Variants in ROBO1 observed in about 807,000 individuals in gnomAD.
ROBO1 encodes roundabout guidance receptor 1.
In ROBO1, 149 loss-of-function variants were observed where a neutral mutation model predicts 195.9. The ratio of observed to expected loss-of-function variants is 0.76; its 90% CI spans 0.67 to 0.87. ROBO1 has a LOEUF of 0.87. Among genes scored for constraint, ROBO1 ranks in the 40% least tolerant of loss-of-function variants. The pLI is 0.00. For missense variants in ROBO1, 1,933 were observed against 2,068.3 expected, an observed-to-expected ratio of 0.93 and a Z score of 1.27; for synonymous variants, 816 against 733.2, an observed-to-expected ratio of 1.11 and a Z score of -1.82.
intron 3 of ROBO1, among the ~76,000 whole-genome samples, chr3:78,995,824 C>T (rs1187664370): frequency 6.6e-6 from 1 of 151,412 alleles, no homozygotes; most frequent in Non-Finnish European, 1.5e-5. Flanking sequence ...CCTTACTAGG[C>T]CCTTCAAGCC....
chr3:78,729,085 G>A (rs903336472), intron 5 of ROBO1, among the ~76,000 whole-genome samples: 5 of 152,162 alleles, frequency 3.3e-5, no homozygotes, highest in African/African-American at 4.8e-5. Flanking sequence ...GAGAGTCCCC[G>A]CCTAGGACTC....
chr3:79,049,313 A>T (rs145126736), intron 3 of ROBO1, among the ~76,000 whole-genome samples: 1,826 of 152,314 alleles, frequency 0.012, 48 homozygotes, highest in African/African-American at 0.042. Context: ...TGAAGATCAA[A>T]TTAATGAAAT....
intron 3 of ROBO1, among the ~76,000 whole-genome samples, chr3:79,026,056 G>T (rs1342386358): frequency 6.6e-6 from 1 of 152,070 alleles, no homozygotes; most frequent in African/African-American, 2.4e-5. Flanking sequence ...TACATGTTAT[G>T]TTTTACATAT....
intron 4 of ROBO1, among the ~76,000 whole-genome samples, chr3:78,837,702 C>G (rs964151220): frequency 6.6e-6 from 1 of 151,764 alleles, no homozygotes; most frequent in Non-Finnish European, 1.5e-5. Flanking sequence ...AAAATGTTTC[C>G]TTTCCTATAT....
chr3:78,946,987 T>C (rs771570205), intron 3 of ROBO1, among the ~76,000 whole-genome samples: 5 of 152,170 alleles, frequency 3.3e-5, no homozygotes, highest in Non-Finnish European at 7.3e-5. Flanking sequence ...CTTAAATATA[T>C]ATGCACCCAA....
At chr3:79,401,016 A>G (rs2106783316) in intron 2 of ROBO1, among the ~76,000 whole-genome samples, 1 of 151,966 alleles carries the variant, frequency 6.6e-6, no homozygotes, top group East Asian at 1.9e-4. Flanking sequence ...AGTCAAGGCA[A>G]TATAAATATA....
chr3:79,133,901 C>T (rs1284634111), intron 2 of ROBO1, among the ~76,000 whole-genome samples: 138 of 151,680 alleles, frequency 9.1e-4, no homozygotes, highest in Admixed American at 1.8e-3. Flanking sequence ...TTCCTTCTAA[C>T]AGACAGGACC....
At chr3:79,671,779 CAGAT>C (rs555586778) in intron 1 of ROBO1, among the ~76,000 whole-genome samples, 146 of 151,876 alleles carry the variant, frequency 9.6e-4, no homozygotes, top group African/African-American at 3.5e-3. Flanking sequence ...TTGATTTTCA[CAGAT>C]AAATATACAC....
intron 1 of ROBO1, among the ~76,000 whole-genome samples, chr3:79,630,888 A>G (rs1301522733): frequency 7.5e-6 from 1 of 133,412 alleles, no homozygotes; most frequent in East Asian, 1.9e-4. Flanking sequence ...ACACACGCAC[A>G]TACAAAAAAC....
chr3:79,617,017 G>A (rs562387597), intron 1 of ROBO1, among the ~76,000 whole-genome samples: 34 of 152,296 alleles, frequency 2.2e-4, no homozygotes, highest in Non-Finnish European at 4.0e-4. Flanking sequence ...TTACATTGTG[G>A]CCTTGAGATA....
chr3:79,636,212 T>C (rs1945491107), intron 1 of ROBO1, among the ~76,000 whole-genome samples: 1 of 152,192 alleles, frequency 6.6e-6, no homozygotes, highest in African/African-American at 2.4e-5. Context: ...CCAGAAACCC[T>C]GATTTAACAT....
At chr3:78,662,548 G>A (rs1707488608) in intron 14 of ROBO1, among the ~76,000 whole-genome samples, 1 of 152,168 alleles carries the variant, frequency 6.6e-6, no homozygotes, top group Non-Finnish European at 1.5e-5. Flanking sequence ...GCAATGGAAA[G>A]AAAGGAGATA....
chr3:79,009,553 A>T (rs1159558436), intron 3 of ROBO1, among the ~76,000 whole-genome samples: 1 of 152,216 alleles, frequency 6.6e-6, no homozygotes, highest in Admixed American at 6.5e-5. Context: ...AACAGTAAGA[A>T]AAGCAAAAGA....
chr3:79,532,095 A>C (rs1941684962), intron 2 of ROBO1, among the ~76,000 whole-genome samples: 1 of 152,288 alleles, frequency 6.6e-6, no homozygotes, highest in African/African-American at 2.4e-5. Context: ...GAGCAAAGGT[A>C]AGGCGATGAT....
intron 2 of ROBO1, among the ~76,000 whole-genome samples, chr3:79,560,601 C>T (rs987863813): frequency 7.2e-6 from 1 of 139,656 alleles, no homozygotes; most frequent in African/African-American, 2.8e-5. Flanking sequence ...CACAAGTACA[C>T]CAGTTAGGTA....
At chr3:78,714,549 CAGTTA>C (rs2081852201) in intron 7 of ROBO1, 25 bp from the exon 8 acceptor site, 1 of 1,597,152 alleles carries the variant, frequency 6.3e-7, no homozygotes, top group South Asian at 1.1e-5. Flanking sequence ...AAAGAAAGCA[CAGTTA>C]AGTGACTTTC....
chr3:78,929,984 C>T (rs1191359302), intron 4 of ROBO1, among the ~76,000 whole-genome samples: 6 of 152,140 alleles, frequency 3.9e-5, no homozygotes, highest in African/African-American at 1.4e-4. Flanking sequence ...TACTGGAAGT[C>T]AGCTAAATTC....
chr3:79,360,904 T>C (rs1268816707), intron 2 of ROBO1, among the ~76,000 whole-genome samples: 1 of 152,102 alleles, frequency 6.6e-6, no homozygotes, highest in Non-Finnish European at 1.5e-5. Flanking sequence ...CTTAAAAGTT[T>C]TGAACACTGC....
At chr3:78,675,957 G>A (rs553186903) in intron 10 of ROBO1, among the ~76,000 whole-genome samples, 50 of 152,112 alleles carry the variant, frequency 3.3e-4, no homozygotes, top group Non-Finnish European at 3.2e-4. Context: ...TCACAGGGCC[G>A]GGTACTCCTC....
Sources: gnomAD v4.1 joint callset for allele counts (sites outside exome capture counted in the v4.1 genomes callset) on GRCh38, gnomAD v4.1.1 for gene constraint, MANE v1.5 for transcripts, NCBI Gene and HGNC (gene_info 2026-07-23, HGNC 2026-07-21) for gene names.